LMX1A: variants seen among roughly 807,000 people sequenced by gnomAD.
The protein encoded by LMX1A is LIM homeobox transcription factor 1-alpha.
A neutral mutation model predicts 49.1 loss-of-function variants in LMX1A; 15 were observed. That is an observed-to-expected ratio of 0.31 (90% CI 0.20 to 0.47). The LOEUF (loss-of-function observed/expected upper bound fraction) is 0.47. LMX1A is among the 20% of genes least tolerant of loss of function. The probability of loss-of-function intolerance (pLI) is 1.00; values close to 1 mark genes in which losing one functional copy is unlikely to be tolerated. For synonymous variants in LMX1A, 167 were observed against 185.7 expected, an observed-to-expected ratio of 0.90 and a Z score of 0.82; for missense variants, 372 against 475.8, an observed-to-expected ratio of 0.78 and a Z score of 2.03.
intron 4 of LMX1A, among the ~76,000 whole-genome samples, chr1:165,230,121 T>G (rs1354512087): frequency 6.6e-6 from 1 of 152,004 alleles, no homozygotes; most frequent in African/African-American, 2.4e-5. Context: ...CAGAAGAGGG[T>G]TCTCTCCAGA....
rs373036609 is a variant in LMX1A at position 165,231,655 on chromosome 1, G to T, written c.496+17753C>A. 1.4e-3 allele frequency among the ~76,000 whole-genome samples: 211 copies of T among 152,226 alleles called. 1 individual carries two copies. The highest frequency in any genetic ancestry group is 4.7e-3 in the African/African-American group (196 of 41,554). On this transcript the variant is annotated intron_variant, in intron 4 of 8. Transcript: ENST00000342310. ...TTTAAATTATATAGTCTGCTTAATT[G>T]AGAACTCTAGTTAACTTGGTTCCCA...
At chr1:165,332,892 G>A (rs1179357455) in intron 3 of LMX1A, among the ~76,000 whole-genome samples, 1 of 152,160 alleles carries the variant, frequency 6.6e-6, no homozygotes, top group Admixed American at 6.5e-5. Context: ...GACTGAAGCA[G>A]ACAGCATCTC....
At chr1:165,288,004 C>T (rs1026733597) in intron 3 of LMX1A, among the ~76,000 whole-genome samples, 2 of 152,078 alleles carry the variant, frequency 1.3e-5, no homozygotes, top group African/African-American at 2.4e-5. Flanking sequence ...GTGTGAAAAC[C>T]GAATAATAAA....
At chr1:165,317,754 T>C (rs553911977) in intron 3 of LMX1A, among the ~76,000 whole-genome samples, 52 of 152,368 alleles carry the variant, frequency 3.4e-4, no homozygotes, top group African/African-American at 1.2e-3. Context: ...GGTAAATTTC[T>C]TGAGAGCTCT....
chr1:165,279,470 AAG>A (rs35177075), intron 3 of LMX1A, among the ~76,000 whole-genome samples: 51,574 of 151,888 alleles, frequency 0.34, 8,897 homozygotes, highest in Admixed American at 0.41. Flanking sequence ...GAGAAGATCC[AAG>A]AGAGAAACTG....
At chr1:165,268,635 T>C (rs972516942) in intron 3 of LMX1A, among the ~76,000 whole-genome samples, 21 of 152,264 alleles carry the variant, frequency 1.4e-4, no homozygotes, top group Non-Finnish European at 2.6e-4. Context: ...CTGAAAGGTC[T>C]GGATTCGAGG....
intron 2 of LMX1A, among the ~76,000 whole-genome samples, chr1:165,354,938 C>A (rs1318868140): frequency 6.6e-6 from 1 of 152,078 alleles, no homozygotes; most frequent in African/African-American, 2.4e-5. Flanking sequence ...ACCCGACATC[C>A]AGCTCCAGTT....
At chr1:165,340,216 C>T (rs753396320) in intron 3 of LMX1A, among the ~76,000 whole-genome samples, 1 of 152,130 alleles carries the variant, frequency 6.6e-6, no homozygotes, top group Non-Finnish European at 1.5e-5. Context: ...CATCCTCCCA[C>T]CTCAGCCTCC....
chr1:165,245,198 G>A (rs1557235), intron 4 of LMX1A, among the ~76,000 whole-genome samples: 151,964 of 152,208 alleles, frequency 1, 75,860 homozygotes, highest in Middle Eastern at 1. Flanking sequence ...TGATCACCCA[G>A]GTAATGAGCA....
intron 3 of LMX1A, among the ~76,000 whole-genome samples, chr1:165,337,575 A>C (rs761788832): frequency 6.6e-6 from 1 of 152,206 alleles, no homozygotes; most frequent in Non-Finnish European, 1.5e-5. Flanking sequence ...GACAGATGCC[A>C]CTAATCCAGA....
intron 4 of LMX1A, among the ~76,000 whole-genome samples, chr1:165,215,609 C>A (rs549896913): frequency 6.6e-6 from 1 of 152,278 alleles, no homozygotes; most frequent in Middle Eastern, 3.4e-3. Context: ...TAGCTGAGTT[C>A]TCATTTTTGG....
intron 4 of LMX1A, among the ~76,000 whole-genome samples, chr1:165,224,609 C>T (rs1168439591): frequency 6.6e-6 from 1 of 152,138 alleles, no homozygotes; most frequent in Non-Finnish European, 1.5e-5. Context: ...TCTTTGTATC[C>T]TCCACAACAC....
At chr1:165,327,439 G>A (rs1655622357) in intron 3 of LMX1A, among the ~76,000 whole-genome samples, 1 of 152,218 alleles carries the variant, frequency 6.6e-6, no homozygotes, top group Non-Finnish European at 1.5e-5. Context: ...TAGAGAAAGA[G>A]CTACTGAAGA....
chr1:165,264,002 T>C (rs1653537407), intron 3 of LMX1A, among the ~76,000 whole-genome samples: 1 of 152,148 alleles, frequency 6.6e-6, no homozygotes, highest in South Asian at 2.1e-4. Context: ...ATATTTTACC[T>C]AGAAAGGAAA....
At chr1:165,263,799 G>A (rs1392113514) in intron 3 of LMX1A, among the ~76,000 whole-genome samples, 2 of 152,128 alleles carry the variant, frequency 1.3e-5, no homozygotes, top group African/African-American at 2.4e-5. Context: ...AGTATTTGGG[G>A]GTGCCAGGAT....
At chr1:165,246,676 G>GA (rs1345349432) in intron 4 of LMX1A, among the ~76,000 whole-genome samples, 2 of 152,038 alleles carry the variant, frequency 1.3e-5, no homozygotes, top group African/African-American at 2.4e-5. Flanking sequence ...TCTGAAACTG[G>GA]AAAAAAATAG....
chr1:165,310,843 C>T (rs183918703), intron 3 of LMX1A, among the ~76,000 whole-genome samples: 4 of 152,272 alleles, frequency 2.6e-5, no homozygotes, highest in East Asian at 1.9e-4. Context: ...GAATGCGATG[C>T]GGACAAGGAC....
At chr1:165,288,767 A>G (rs12404307) in intron 3 of LMX1A, among the ~76,000 whole-genome samples, 39,667 of 152,156 alleles carry the variant, frequency 0.26, 5,684 homozygotes, top group Non-Finnish European at 0.33. Context: ...TGACCTGGCT[A>G]TTCAAATAAC....
intron 3 of LMX1A, among the ~76,000 whole-genome samples, chr1:165,351,559 AT>A (rs1656428395): frequency 6.6e-6 from 1 of 152,164 alleles, no homozygotes; most frequent in African/African-American, 2.4e-5. Context: ...TTCTTTATAT[AT>A]TTCTGTATTG....
Sources: gnomAD v4.1 joint callset for allele counts (sites outside exome capture counted in the v4.1 genomes callset) on GRCh38, gnomAD v4.1.1 for gene constraint, MANE v1.5 for transcripts, NCBI Gene and HGNC (gene_info 2026-07-23, HGNC 2026-07-21) for gene names.